AGMO: variants seen among roughly 807,000 people sequenced by gnomAD.
AGMO encodes the protein glyceryl-ether monooxygenase.
A neutral mutation model predicts 60.2 loss-of-function variants in AGMO; 75 were observed. The ratio of observed to expected loss-of-function variants is 1.25; its 90% CI spans 1.03 to 1.51. The LOEUF (loss-of-function observed/expected upper bound fraction) is 1.51, where lower values mean the gene tolerates loss of function less well. AGMO is among the 40% of genes most tolerant of loss of function. The pLI is 0.00. For synonymous variants in AGMO, 261 were observed against 177.1 expected (o/e 1.47, Z -3.76); for missense variants, 763 against 525.5 (o/e 1.45, Z -4.42).
chr7:15,313,946 G>C (rs1408060189), intron 12 of AGMO, among the ~76,000 whole-genome samples: 1 of 151,768 alleles, frequency 6.6e-6, no homozygotes, highest in Non-Finnish European at 1.5e-5. Flanking sequence ...ATGAGAAAAT[G>C]CCTACTTGAT....
intron 3 of AGMO, among the ~76,000 whole-genome samples, chr7:15,460,990 G>T (rs1782127685): frequency 6.6e-6 from 1 of 152,036 alleles, no homozygotes; most frequent in South Asian, 2.1e-4. Context: ...AATGCTACAG[G>T]CATTTGTTGT....
chr7:15,485,694 C>G (rs142011933), intron 3 of AGMO, among the ~76,000 whole-genome samples: 136 of 152,122 alleles, frequency 8.9e-4, no homozygotes, highest in African/African-American at 3.0e-3. Context: ...ACGTAGATGA[C>G]GAATTACAGG....
intron 3 of AGMO, among the ~76,000 whole-genome samples, chr7:15,490,431 G>A (rs1384764223): frequency 6.6e-6 from 1 of 150,832 alleles, no homozygotes; most frequent in Non-Finnish European, 1.5e-5. Context: ...TAACAATCTT[G>A]GTCCCCTGTG....
intron 12 of AGMO, among the ~76,000 whole-genome samples, chr7:15,317,287 G>C (rs758196918): frequency 7.2e-5 from 11 of 152,172 alleles, no homozygotes; most frequent in Non-Finnish European, 1.3e-4. Context: ...TGTATATAAG[G>C]TATGAATTTA....
At chr7:15,130,606 A>G in the AGMO span, among the ~76,000 whole-genome samples, 8 of 152,164 alleles carry the variant, frequency 5.3e-5, no homozygotes, top group African/African-American at 1.9e-4. Flanking sequence ...GAACGATTGA[A>G]AATAGGGGAA....
At chr7:15,460,901 A>G (rs114744333) in intron 3 of AGMO, among the ~76,000 whole-genome samples, 352 of 152,330 alleles carry the variant, frequency 2.3e-3, no homozygotes, top group African/African-American at 7.7e-3. Flanking sequence ...AAATAATGAT[A>G]AATTATGATA....
intron 4 of AGMO, among the ~76,000 whole-genome samples, chr7:15,430,607 A>ATT (rs1394237217): frequency 1.4e-5 from 2 of 138,734 alleles, no homozygotes; most frequent in African/African-American, 2.7e-5. Flanking sequence ...TTTTTTTAAA[A>ATT]AAAAAAAACA....
the AGMO span, among the ~76,000 whole-genome samples, chr7:15,177,536 T>A: frequency 6.6e-6 from 1 of 152,228 alleles, no homozygotes; most frequent in Non-Finnish European, 1.5e-5. Context: ...GTCTGCTGAT[T>A]TCTTCTTCTG....
chr7:15,177,932 A>G, the AGMO span, among the ~76,000 whole-genome samples: 1,228 of 152,304 alleles, frequency 8.1e-3, 20 homozygotes, highest in African/African-American at 0.029. Context: ...TCAATAAAAA[A>G]TGTTTGGGAC....
Position 15,354,378 on chromosome 7 carries a change from ATACACGTGTGTGTATACACGTGTGTG to A in AGMO, c.1263+11110_1263+11135del, listed in dbSNP as rs1782391900. Among the ~76,000 whole-genome samples, 10 of 61,974 alleles carry A rather than the reference ATACACGTGTGTGTATACACGTGTGTG, an allele frequency of 1.6e-4. 1 individual carries two copies. The highest frequency in any genetic ancestry group is 5.6e-4 in the African/African-American group (5 of 8,902). The allele number at this position is 61,974 out of a possible 152,430, so 40.7% of individuals were successfully genotyped here. ...TAGACGTGTGTATATAGACGTGTGT[ATACACGTGTGTGTATACACGTGTGTG>A]TACACACGTGTGTGTATACACACAC... On this transcript the variant is annotated intron_variant, in intron 12 of 12. Transcript: ENST00000342526.
rs1047375364 is a variant in AGMO, at chr7:15,270,383, G to C, written c.1264-69024C>G. Among the ~76,000 whole-genome samples the C allele has an allele frequency of 7.2e-5, 11 of 151,880 alleles. No individual in the cohort carries two copies. The South Asian group carries it at 1.0e-3, about 14-fold the overall frequency. On this transcript the variant is annotated intron_variant, in intron 12 of 12. Transcript: ENST00000342526. ...CATTTCTCTGATGATCTATGATGTTGAGCATTTTCATATGTTTGTTGGCCA... is the reference window on the plus strand; with the variant it reads ...CATTTCTCTGATGATCTATGATGTTCAGCATTTTCATATGTTTGTTGGCCA...
intron 12 of AGMO, among the ~76,000 whole-genome samples, chr7:15,209,861 G>C (rs1781538735): frequency 2.6e-5 from 4 of 152,078 alleles, no homozygotes; most frequent in Admixed American, 6.5e-5. Context: ...CAAAGGGAGA[G>C]GCAGGCAGCA....
At chr7:15,202,236 A>C (rs1781309226) in intron 12 of AGMO, among the ~76,000 whole-genome samples, 1 of 151,976 alleles carries the variant, frequency 6.6e-6, no homozygotes, top group Non-Finnish European at 1.5e-5. Flanking sequence ...CCCCAAGAAG[A>C]ATATCACTAT....
At chr7:15,330,664 T>G (rs1420552016) in intron 12 of AGMO, among the ~76,000 whole-genome samples, 1 of 152,144 alleles carries the variant, frequency 6.6e-6, no homozygotes, top group Non-Finnish European at 1.5e-5. Context: ...AGAAATACAT[T>G]CTTACATACT....
chr7:15,395,347 T>TA (rs879584961), intron 5 of AGMO, among the ~76,000 whole-genome samples: 42 of 152,136 alleles, frequency 2.8e-4, no homozygotes, highest in Non-Finnish European at 2.6e-4. Context: ...TGCTTAAAAT[T>TA]AAAAAAAATT....
chr7:15,140,098 T>A, the AGMO span, among the ~76,000 whole-genome samples: 1 of 151,280 alleles, frequency 6.6e-6, no homozygotes, highest in Non-Finnish European at 1.5e-5. Flanking sequence ...TATAAAAATA[T>A]AATATCAAAA....
intron 12 of AGMO, among the ~76,000 whole-genome samples, chr7:15,314,414 T>C (rs764442948): frequency 2.8e-4 from 43 of 152,144 alleles, no homozygotes; most frequent in Non-Finnish European, 3.1e-4. Context: ...AAATCCTTGG[T>C]ATATATGTAT....
intron 3 of AGMO, among the ~76,000 whole-genome samples, chr7:15,504,346 G>A (rs182171146): frequency 1.5e-3 from 222 of 152,092 alleles, no homozygotes; most frequent in Middle Eastern, 0.01. Context: ...AAGAACATTT[G>A]ATATGTTCCA....
chr7:15,140,152 T>C, the AGMO span, among the ~76,000 whole-genome samples: 2 of 151,864 alleles, frequency 1.3e-5, no homozygotes, highest in African/African-American at 4.8e-5. Context: ...TCATTCAGGC[T>C]TTTGAGACTG....
Sources: allele counts gnomAD v4.1 joint callset (sites outside exome capture counted in the v4.1 genomes callset), GRCh38; gene constraint gnomAD v4.1.1; transcripts MANE v1.5; gene names NCBI Gene and HGNC (gene_info 2026-07-23, HGNC 2026-07-21).